Variants in OR51C1 observed in about 807,000 individuals in gnomAD.
OR51C1 encodes olfactory receptor OR51C1.
At chr11:4,696,014 A>C in the OR51C1 span, among the ~76,000 whole-genome samples, 1 of 152,194 alleles carries the variant, frequency 6.6e-6, no homozygotes, top group Non-Finnish European at 1.5e-5. Flanking sequence ...AAGTTAGCAG[A>C]ATCTTTAACG....
At chr11:4,695,668 T>G in the OR51C1 span, among the ~76,000 whole-genome samples, 8 of 152,204 alleles carry the variant, frequency 5.3e-5, no homozygotes, top group African/African-American at 1.7e-4. Context: ...TCCAAAAGTT[T>G]AATCTCAGAT....
At chr11:4,691,187 G>A in the OR51C1 span, 1 of 456,668 alleles carries the variant, frequency 2.2e-6, no homozygotes, top group African/African-American at 2.0e-5. Flanking sequence ...GTACTTGGCT[G>A]TGGCAGTAGG....
chr11:4,695,147 A>G, the OR51C1 span, among the ~76,000 whole-genome samples: 1 of 152,162 alleles, frequency 6.6e-6, no homozygotes, highest in Non-Finnish European at 1.5e-5. Flanking sequence ...AGTGTAATGA[A>G]CTTAAATTTT....
chr11:4,691,897 G>A, the OR51C1 span, among the ~76,000 whole-genome samples: 1 of 152,162 alleles, frequency 6.6e-6, no homozygotes, highest in Non-Finnish European at 1.5e-5. Context: ...ACTTTGGTTT[G>A]TTTTTGAATT....
At chr11:4,692,927 A>T in the OR51C1 span, among the ~76,000 whole-genome samples, 1 of 152,134 alleles carries the variant, frequency 6.6e-6, no homozygotes, top group East Asian at 1.9e-4. Context: ...GAAATTATAG[A>T]TTACACGATT....
the OR51C1 span, chr11:4,697,808 G>A: frequency 6.6e-6 from 1 of 152,440 alleles, no homozygotes; most frequent in Admixed American, 6.5e-5. Flanking sequence ...ATTCCTGGTG[G>A]TGGTGCTAAC....
chr11:4,697,258 C>T, the OR51C1 span, among the ~76,000 whole-genome samples: 1 of 152,170 alleles, frequency 6.6e-6, no homozygotes, highest in African/African-American at 2.4e-5. Flanking sequence ...TATAAACTTT[C>T]TGTGACCCAG....
At chr11:4,691,358 T>C in the OR51C1 span, 1 of 457,852 alleles carries the variant, frequency 2.2e-6, no homozygotes, top group Middle Eastern at 3.2e-4. Context: ...CCAACAGCAC[T>C]GAGGATTCCA....
the OR51C1 span, among the ~76,000 whole-genome samples, chr11:4,694,467 A>G: frequency 6.6e-5 from 10 of 151,414 alleles, no homozygotes; most frequent in African/African-American, 2.4e-4. Flanking sequence ...AAACTGAACT[A>G]AACTATACAT....
At chr11:4,690,819 C>T in the OR51C1 span, 1 of 446,714 alleles carries the variant, frequency 2.2e-6, no homozygotes, top group Non-Finnish European at 4.5e-6. Flanking sequence ...GGTTTTCACA[C>T]TGTAGATGAC....
the OR51C1 span, among the ~76,000 whole-genome samples, chr11:4,692,613 G>A: frequency 2.0e-5 from 3 of 152,156 alleles, no homozygotes; most frequent in African/African-American, 4.8e-5. Flanking sequence ...AGATGGGTAT[G>A]GTTGAGTTGA....
chr11:4,690,655 T>C, the OR51C1 span: 3 of 327,120 alleles, frequency 9.2e-6, no homozygotes, highest in African/African-American at 6.5e-5. Flanking sequence ...TGTGCTTAGC[T>C]TCAATGGGCA....
the OR51C1 span, chr11:4,697,722 A>G: frequency 6.6e-6 from 1 of 152,632 alleles, no homozygotes; most frequent in African/African-American, 2.4e-5. Flanking sequence ...TTTAGATTCC[A>G]GGGGAGGGCC....
At chr11:4,694,047 G>T in the OR51C1 span, among the ~76,000 whole-genome samples, 1 of 152,140 alleles carries the variant, frequency 6.6e-6, no homozygotes, top group Non-Finnish European at 1.5e-5. Flanking sequence ...CAATATCTGA[G>T]TTGTAATTTT....
chr11:4,697,770 T>G, the OR51C1 span: 1 of 152,616 alleles, frequency 6.6e-6, no homozygotes. Context: ...CCAGCCTGAC[T>G]GGAGACAGGC....
the OR51C1 span, chr11:4,691,464 A>G: frequency 2.2e-6 from 1 of 456,774 alleles, no homozygotes; most frequent in Non-Finnish European, 4.4e-6. Flanking sequence ...CATGGTGACC[A>G]GAGTGGATAT....
At chr11:4,694,304 A>G in the OR51C1 span, among the ~76,000 whole-genome samples, 1 of 152,010 alleles carries the variant, frequency 6.6e-6, no homozygotes, top group Non-Finnish European at 1.5e-5. Context: ...GCAAAAAAAA[A>G]ATGACTTCTC....
the OR51C1 span, chr11:4,691,444 A>T: frequency 2.2e-6 from 1 of 457,334 alleles, no homozygotes; most frequent in Non-Finnish European, 4.4e-6. Flanking sequence ...TTGAACCAGA[A>T]TATACTCAGC....
At chr11:4,691,650 C>G in the OR51C1 span, 1 of 416,946 alleles carries the variant, frequency 2.4e-6, no homozygotes, top group Non-Finnish European at 4.8e-6. Flanking sequence ...CCCAGGAACA[C>G]CAGTGAGCAG....
Sources: allele counts gnomAD v4.1 joint callset (sites outside exome capture counted in the v4.1 genomes callset), GRCh38; gene constraint gnomAD v4.1.1; transcripts MANE v1.5; gene names NCBI Gene and HGNC (gene_info 2026-07-23, HGNC 2026-07-21).